Variants in CAND2 observed in about 807,000 individuals in gnomAD.
CAND2 encodes cullin-associated NEDD8-dissociated protein 2.
A neutral mutation model predicts 98.9 loss-of-function variants in CAND2; 62 were observed. The observed-to-expected ratio is 0.63, with a 90% CI of 0.51 to 0.77. CAND2 has a LOEUF of 0.77. Ranked by LOEUF, CAND2 falls within the 30% of genes least tolerant of loss-of-function variation. CAND2 has a pLI of 0.00. For missense variants in CAND2, 1,501 were observed against 1,655.2 expected (o/e 0.91, Z 1.62); for synonymous variants, 770 against 731.9 (o/e 1.05, Z -0.84).
At chr3:12,804,032 T>C (rs1490080511) in intron 2 of CAND2, among the ~76,000 whole-genome samples, 3 of 152,114 alleles carry the variant, frequency 2.0e-5, no homozygotes, top group Admixed American at 6.5e-5. Flanking sequence ...AGCTCCCTGG[T>C]AGTCATTGGT....
rs1044429842 is a variant in CAND2 at position 12,816,553 on chromosome 3, G to T, written c.1621G>T (p.Ala541Ser). The T allele has an allele frequency of 5.0e-6, 8 of 1,613,980 alleles. No individual in the cohort carries two copies. In the Admixed American group the frequency reaches 1.2e-4, roughly 24 times the overall value. ...CTCTTTCTACAAGATTGCAGCCGAG[G>T]CCCTGGTGGTGCTGCAGGAGCTGGT... The part of the protein sequence containing the change: ...ADSFYKIAAE[A>S]LVVLQELVRA... The change falls in exon 10 of 15, where the codon GCC becomes TCC. Residue 541 changes from alanine to serine, a missense_variant. Ala to Ser is a moderately conservative substitution (Grantham distance 99). This residue lies in a region of CAND2 where 1,427 missense variants were observed against 1,545.3 expected (regional missense o/e 0.92). Transcript: ENST00000456430.
rs369417287 is a variant in CAND2, at chr3:12,817,813, G to A, written c.2881G>A (p.Gly961Arg). ...CCGGGGGGTGGTGGCCGAGTGCATT[G>A]GGAAGCTGGTCCTTGTGAACCCTTC... is the stretch of plus-strand genomic sequence containing the variant. ...GTRGVVAECI[G>R]KLVLVNPSFL... The change falls in exon 10 of 15, where the codon GGG becomes AGG. Residue 961 changes from glycine (G) to arginine (R), a missense_variant. This residue lies in a region of CAND2 where 1,427 missense variants were observed against 1,545.3 expected (regional missense o/e 0.92). Transcript: ENST00000456430. 1.1e-5 allele frequency: 17 copies of A among 1,524,284 alleles called. No individual in the cohort carries two copies. In the African/African-American group the frequency reaches 2.1e-4, roughly 19 times the overall value. 94.4% of individuals were successfully genotyped at this position (1,524,284 alleles called of 1,614,324 possible).
intron 13 of CAND2, among the ~76,000 whole-genome samples, chr3:12,830,514 T>G (rs2062044471): frequency 6.6e-6 from 1 of 152,156 alleles, no homozygotes; most frequent in Admixed American, 6.5e-5. Context: ...ATCGAGCAAG[T>G]CTGTTTCTTC....
At chr3:12,807,201 T>C (rs1198814138) in intron 2 of CAND2, 105 bp from the exon 3 acceptor site, 1 of 1,087,840 alleles carries the variant, frequency 9.2e-7, no homozygotes, top group Non-Finnish European at 1.3e-6. Context: ...TCTGAGGCCT[T>C]TTCCTCAGCA....
In CAND2 at chr3:12,815,122, T is replaced by C; in HGVS notation, c.1007-19T>C. ...TCCTGGGAGATGAGGGTTCCACGTGTGTCTTGTTCCTGCCCCAGAGAGTGA... is the reference window on the plus strand; with the variant it reads ...TCCTGGGAGATGAGGGTTCCACGTGCGTCTTGTTCCTGCCCCAGAGAGTGA... On this transcript the variant is annotated intron_variant, in intron 7 of 14. Coordinates refer to ENST00000456430, the MANE Select transcript of CAND2 (RefSeq NM_001162499.2). The surrounding 1 kb of genome is among the most constrained non-coding windows in gnomAD (Gnocchi z 5.7). 6.3e-7 allele frequency: 1 copy of C among 1,589,984 alleles called. No homozygotes were observed. Among genetic ancestry groups the C allele is most frequent in the Non-Finnish European group, 8.6e-7 (1 of 1,164,116 alleles).
In CAND2 at chr3:12,816,775, C is replaced by G; in HGVS notation, c.1843C>G (p.Leu615Val). Residue 615 changes from leucine to valine, a missense_variant, in exon 10 of 15, where the codon CTG becomes GTG. Coordinates refer to ENST00000456430, the MANE Select transcript of CAND2 (RefSeq NM_001162499.2). ...TGGGGATGACCTGGAGCCCACGTTA[C>G]TGCTCCTCCTGGACCGCCTGCGGAA... ...RLGDDLEPTL[L>V]LLLDRLRNEI... 1 of 1,613,596 alleles carries G rather than the reference C, an allele frequency of 6.2e-7. No individual in the cohort carries two copies. The highest frequency in any genetic ancestry group is 1.6e-4 in the Middle Eastern group (1 of 6,062).
chr3:12,833,917 C>T lies in CAND2; in HGVS notation c.3646C>T (p.Leu1216Phe), dbSNP rs761193519. The change falls in exon 15 of 15, where the codon CTC (leucine) becomes TTC (phenylalanine). Residue 1216 changes from leucine (L) to phenylalanine (F), a missense_variant. Leu to Phe is a conservative substitution (Grantham distance 22, BLOSUM62 0). Around this residue, in one of 3 missense-constraint regions of CAND2, gnomAD observed 1,427 missense variants for 1,545.3 expected, o/e 0.92. Coordinates refer to ENST00000456430, the MANE Select transcript of CAND2 (RefSeq NM_001162499.2). ...QIRSNPELAA[L>F]FESIQKDSAS... ...CAGATCCAACCCTGAACTTGCTGCC[C>T]TCTTTGAAAGCATCCAGAAGGATTC... The T allele has an allele frequency of 1.2e-6, 2 of 1,614,204 alleles. No homozygotes were observed. The highest frequency in any genetic ancestry group is 2.2e-5 in the South Asian group (2 of 91,080).
At chr3:12,827,296 G>A (rs2062011196) in intron 12 of CAND2, 144 bp from the exon 13 acceptor site, 1 of 656,534 alleles carries the variant, frequency 1.5e-6, no homozygotes, top group African/African-American at 1.8e-5. Flanking sequence ...TGCAGGCTGA[G>A]CAAAGGCATG....
intron 11 of CAND2, among the ~76,000 whole-genome samples, chr3:12,823,466 C>T (rs1446901393): frequency 1.3e-5 from 2 of 152,048 alleles, no homozygotes; most frequent in Non-Finnish European, 2.9e-5. Context: ...CGGTGGCTCA[C>T]GCCTGTAATC....
chr3:12,829,833 TA>T (rs1189576092), intron 13 of CAND2, among the ~76,000 whole-genome samples: 7 of 152,234 alleles, frequency 4.6e-5, no homozygotes, highest in Non-Finnish European at 7.3e-5. Flanking sequence ...ACATTTACTG[TA>T]TGTTGTTTGC....
chr3:12,808,404 G>A, intron 4 of CAND2, 71 bp downstream of exon 4: 1 of 1,504,478 alleles, frequency 6.6e-7, no homozygotes, highest in Non-Finnish European at 9.0e-7. Flanking sequence ...AAATCACAGA[G>A]CTAGCACCTA....
In CAND2 at chr3:12,815,285, G is replaced by A. The variant is rs1382986188; in HGVS notation, c.1151G>A (p.Arg384His). 2 of 1,613,942 alleles carry A rather than the reference G, an allele frequency of 1.2e-6. No homozygotes were observed. The highest frequency in any genetic ancestry group is 1.7e-6 in the Non-Finnish European group (2 of 1,180,032). Reference protein sequence around the residue: ...HCTLAPVLIRRFKEREENVKA... With the variant: ...HCTLAPVLIRHFKEREENVKA... Reference sequence around the variant, plus strand: ...ACCCTGGCACCTGTGCTCATCCGCCGCTTCAAAGAACGCGAGGAGAACGTC... The same window carrying A: ...ACCCTGGCACCTGTGCTCATCCGCCACTTCAAAGAACGCGAGGAGAACGTC... Residue 384 changes from arginine (R) to histidine (H), a missense_variant, in exon 8 of 15, where the codon CGC becomes CAC. Arg to His is a conservative substitution (Grantham distance 29). Coordinates refer to ENST00000456430, the MANE Select transcript of CAND2 (RefSeq NM_001162499.2). This position sits in a 1 kb window ranked among gnomAD's most constrained non-coding sequence, Gnocchi z 5.7.
intron 1 of CAND2, among the ~76,000 whole-genome samples, chr3:12,798,223 G>A (rs756914500): frequency 3.9e-5 from 6 of 151,990 alleles, no homozygotes; most frequent in Admixed American, 1.3e-4. Context: ...AATCTGCCAC[G>A]CCCTGTCCCC....
chr3:12,798,510 T>C (rs572780530), intron 1 of CAND2, among the ~76,000 whole-genome samples: 348 of 152,294 alleles, frequency 2.3e-3, no homozygotes, highest in Middle Eastern at 3.4e-3. Context: ...CTCCCTACTG[T>C]GCACCCCACG....
chr3:12,813,271 G>C lies in CAND2; in HGVS notation c.889G>C (p.Val297Leu). 1 of 1,613,688 alleles carries C rather than the reference G, an allele frequency of 6.2e-7. No individual in the cohort carries two copies. Residue 297 changes from valine to leucine, a missense_variant, in exon 7 of 15, where the codon GTG becomes CTG. Val to Leu is a conservative substitution (Grantham distance 32). This residue lies in a region of CAND2 where 1,427 missense variants were observed against 1,545.3 expected (regional missense o/e 0.92). Coordinates refer to ENST00000456430, the MANE Select transcript of CAND2 (RefSeq NM_001162499.2). ...RKCPKEMGPHVPNVTSLCLQY... is the reference protein window; with the variant it reads ...RKCPKEMGPHLPNVTSLCLQY... Reference sequence around the variant, plus strand: ...GTGCCCCAAGGAAATGGGTCCTCACGTGCCCAACGTGACCAGCCTCTGCCT... The same window carrying C: ...GTGCCCCAAGGAAATGGGTCCTCACCTGCCCAACGTGACCAGCCTCTGCCT...
In CAND2 at chr3:12,810,275, C is replaced by T. The variant is rs1289907426; in HGVS notation, c.708C>T (p.Thr236=). ...CCACCAGCCCGACTGCCATCCGCAC[C>T]CTGATCCAATGTTTGGGCAGCGTCG... is the stretch of plus-strand genomic sequence containing the variant. ...RVPTSPTAIR[T]LIQCLGSVGR... Residue 236 remains threonine (T), a synonymous_variant, in exon 5 of 15, where the codon ACC becomes ACT. Transcript: ENST00000456430. 6.7e-7 allele frequency: 1 copy of T among 1,502,752 alleles called. No homozygotes were observed. The highest frequency in any genetic ancestry group is 8.9e-7 in the Non-Finnish European group (1 of 1,126,836). The allele number at this position is 1,502,752 out of a possible 1,614,324, so 93.1% of individuals were successfully genotyped here.
At chr3:12,804,947 G>A (rs2061795391) in intron 2 of CAND2, among the ~76,000 whole-genome samples, 1 of 152,226 alleles carries the variant, frequency 6.6e-6, no homozygotes, top group Admixed American at 6.5e-5. Context: ...AGTAGACTTA[G>A]GATGGGTTTC....
At chr3:12,809,907 C>T (rs1010670938) in intron 4 of CAND2, 152 bp from the exon 5 acceptor site, 3 of 792,876 alleles carry the variant, frequency 3.8e-6, no homozygotes, top group East Asian at 6.7e-5. Flanking sequence ...TAAAATAATT[C>T]CTCCTCACAG....
At chr3:12,810,997 A>G (rs1468641577) in intron 5 of CAND2, among the ~76,000 whole-genome samples, 1 of 152,174 alleles carries the variant, frequency 6.6e-6, no homozygotes, top group Non-Finnish European at 1.5e-5. Context: ...TCAGGTTTGA[A>G]TGTATCCTCA....
Sources: gnomAD v4.1 joint callset for allele counts (sites outside exome capture counted in the v4.1 genomes callset) on GRCh38, gnomAD v4.1.1 for gene constraint, gnomAD v4.1.1 regional missense constraint, Gnocchi (gnomAD v3.1) non-coding constraint, MANE v1.5 for transcripts, NCBI Gene and HGNC (gene_info 2026-07-23, HGNC 2026-07-21) for gene names.